HECTD4: variants seen among roughly 807,000 people sequenced by gnomAD.
HECTD4 encodes probable E3 ubiquitin-protein ligase HECTD4.
In HECTD4, 114 loss-of-function variants were observed where a neutral mutation model predicts 471.5. The observed-to-expected ratio is 0.24, with a 90% CI of 0.21 to 0.28. The LOEUF (loss-of-function observed/expected upper bound fraction) is 0.28, where lower values mean the gene tolerates loss of function less well. Ranked by LOEUF, HECTD4 falls within the 10% of genes least tolerant of loss-of-function variation. The pLI is 1.00. For synonymous variants in HECTD4, 2,012 were observed against 2,256.0 expected, an observed-to-expected ratio of 0.89 and a Z score of 3.07; for missense variants, 3,866 against 5,651.5, an observed-to-expected ratio of 0.68 and a Z score of 10.13.
chr12:112,216,242 C>A, intron 48 of HECTD4, 50 bp downstream of exon 48: 1 of 1,290,578 alleles, frequency 7.7e-7, no homozygotes, highest in Non-Finnish European at 1.1e-6. Context: ...TAGACCCAAA[C>A]CTGAGACCAA....
intron 1 of HECTD4, among the ~76,000 whole-genome samples, chr12:112,349,627 GAGAAC>G (rs2036218295): frequency 6.6e-6 from 1 of 151,890 alleles, no homozygotes; most frequent in African/African-American, 2.4e-5. Context: ...ATCTCATGCT[GAGAAC>G]AGATGGCAAA....
chr12:112,280,931 C>T (rs1300738986), intron 8 of HECTD4, among the ~76,000 whole-genome samples: 2 of 151,852 alleles, frequency 1.3e-5, no homozygotes, highest in Non-Finnish European at 2.9e-5. Context: ...GCTGAGACTA[C>T]AGGAGCCCAC....
intron 48 of HECTD4, among the ~76,000 whole-genome samples, chr12:112,215,776 A>C (rs1211026818): frequency 6.6e-6 from 1 of 152,134 alleles, no homozygotes; most frequent in Non-Finnish European, 1.5e-5. Context: ...AGTAGCTGGG[A>C]CCACAGGCAT....
rs779143225 is a variant in HECTD4, at chr12:112,184,628, G to A, written c.10338C>T (p.Asp3446=). 3.7e-6 allele frequency: 6 copies of A among 1,613,784 alleles called. No homozygotes were observed. The Admixed American group carries it at 8.3e-5, about 22-fold the overall frequency. ...CTTTCCCGTCCCCGCCCTCGGCCTT[G>A]TCTTTTGGCTTCTTGGTGTCTTCTT... The part of the protein sequence containing the change: ...LQEEDTKKPK[D]KAEGGDGKVE... Residue 3446 remains aspartate (D), a synonymous_variant, in exon 61 of 76, where the codon GAC becomes GAT. Coordinates refer to ENST00000682272, the MANE Select transcript of HECTD4 (RefSeq NM_001388303.1). This position sits in a 1 kb window ranked among gnomAD's most constrained non-coding sequence, Gnocchi z 9.1.
intron 72 of HECTD4, 81 bp from the exon 73 acceptor site, chr12:112,164,356 C>A: frequency 6.8e-7 from 1 of 1,460,286 alleles, no homozygotes; most frequent in Non-Finnish European, 9.3e-7. Context: ...GGGTAAACCC[C>A]AAGCGCAGCT....
intron 1 of HECTD4, among the ~76,000 whole-genome samples, chr12:112,349,090 T>C (rs2036205826): frequency 6.6e-6 from 1 of 151,962 alleles, no homozygotes; most frequent in Non-Finnish European, 1.5e-5. Flanking sequence ...TTACTACTTT[T>C]AGAAATATTA....
At chr12:112,244,606 A>C (rs1264663606) in intron 29 of HECTD4, among the ~76,000 whole-genome samples, 2 of 152,150 alleles carry the variant, frequency 1.3e-5, no homozygotes, top group African/African-American at 4.8e-5. Context: ...CCTGACTTCA[A>C]GTGATCTGCC....
At chr12:112,182,653 T>C (rs756029835) in intron 62 of HECTD4, among the ~76,000 whole-genome samples, 2 of 152,128 alleles carry the variant, frequency 1.3e-5, no homozygotes, top group African/African-American at 2.4e-5. Context: ...AAGGAAAAAA[T>C]GACTTGAATA....
chr12:112,200,899 G>GTGTGTA, intron 54 of HECTD4, 101 bp from the exon 55 acceptor site: 2 of 986,120 alleles, frequency 2.0e-6, no homozygotes, highest in East Asian at 5.2e-5. Context: ...GTGTGTGTGT[G>GTGTGTA]TGTGTGTGTG....
chr12:112,199,924 T>C (rs1328417230), intron 55 of HECTD4, among the ~76,000 whole-genome samples: 1 of 152,222 alleles, frequency 6.6e-6, no homozygotes, highest in Non-Finnish European at 1.5e-5. Context: ...TCTTGTGATG[T>C]TGACAATTTT....
At chr12:112,214,003 C>T (rs1048849304) in intron 48 of HECTD4, among the ~76,000 whole-genome samples, 2 of 151,480 alleles carry the variant, frequency 1.3e-5, no homozygotes, top group Non-Finnish European at 2.9e-5. Flanking sequence ...GCCTGGGTGA[C>T]AGAGTGAGAC....
intron 7 of HECTD4, among the ~76,000 whole-genome samples, chr12:112,300,535 AAC>A (rs1390411136): frequency 1.3e-5 from 2 of 152,138 alleles, no homozygotes; most frequent in Non-Finnish European, 2.9e-5. Flanking sequence ...ATTTTGCATT[AAC>A]TATGTCAGAC....
intron 34 of HECTD4, among the ~76,000 whole-genome samples, chr12:112,237,485 GC>G (rs1335943662): frequency 6.6e-6 from 1 of 152,112 alleles, no homozygotes; most frequent in African/African-American, 2.4e-5. Flanking sequence ...AACCTCCCAA[GC>G]ATGTAAAAGT....
chr12:112,311,986 A>G (rs1326605707), intron 4 of HECTD4, among the ~76,000 whole-genome samples: 1 of 152,212 alleles, frequency 6.6e-6, no homozygotes, highest in Non-Finnish European at 1.5e-5. Context: ...TGTTTAGAAG[A>G]AATGGTAGAC....
intron 1 of HECTD4, among the ~76,000 whole-genome samples, chr12:112,328,203 A>T (rs2035783988): frequency 6.6e-6 from 1 of 151,834 alleles, no homozygotes; most frequent in Admixed American, 6.6e-5. Flanking sequence ...CAGTGGTGCA[A>T]TCTCAGCTTA....
At chr12:112,294,703 C>T (rs77718440) in intron 7 of HECTD4, among the ~76,000 whole-genome samples, 8,394 of 152,190 alleles carry the variant, frequency 0.055, 302 homozygotes, top group Middle Eastern at 0.16. Flanking sequence ...AGCGCTGCAA[C>T]GGCCTCCATA....
chr12:112,189,550 C>CAAAAA (rs57209316), intron 60 of HECTD4, among the ~76,000 whole-genome samples: 73 of 30,278 alleles, frequency 2.4e-3, no homozygotes, highest in East Asian at 5.6e-3. Flanking sequence ...GACTCCGTCT[C>CAAAAA]AAAAAAAAAA....
chr12:112,309,147 T>C (rs1468217964), intron 5 of HECTD4, among the ~76,000 whole-genome samples: 1 of 152,226 alleles, frequency 6.6e-6, no homozygotes, highest in African/African-American at 2.4e-5. Context: ...TTTCAAACTG[T>C]AGTTTCTTTT....
chr12:112,273,620 A>C (rs2034463545), intron 11 of HECTD4, 35 bp downstream of exon 11: 1 of 1,605,550 alleles, frequency 6.2e-7, no homozygotes, highest in Non-Finnish European at 8.5e-7. Context: ...TTTCAGAGGA[A>C]AATCTTTTCC....
Sources: gnomAD v4.1 joint callset for allele counts (sites outside exome capture counted in the v4.1 genomes callset) on GRCh38, gnomAD v4.1.1 for gene constraint, Gnocchi (gnomAD v3.1) non-coding constraint, MANE v1.5 for transcripts, NCBI Gene and HGNC (gene_info 2026-07-23, HGNC 2026-07-21) for gene names.